CCSER1: variants seen among roughly 807,000 people sequenced by gnomAD.
The protein encoded by CCSER1 is coiled-coil serine rich protein 1.
A neutral mutation model predicts 82.0 loss-of-function variants in CCSER1; 41 were observed. That is an observed-to-expected ratio of 0.50 (90% CI 0.39 to 0.65). CCSER1 has a LOEUF of 0.65. CCSER1 is among the 30% of genes least tolerant of loss of function. CCSER1 has a pLI of 0.00. For synonymous variants in CCSER1, 414 were observed against 383.9 expected (o/e 1.08, Z -0.92); for missense variants, 1,119 against 1,064.2 (o/e 1.05, Z -0.72).
intron 4 of CCSER1, among the ~76,000 whole-genome samples, chr4:90,443,784 A>G (rs1323386729): frequency 6.6e-6 from 1 of 152,080 alleles, no homozygotes; most frequent in Non-Finnish European, 1.5e-5. Context: ...AACCAAATAT[A>G]CTAGATGCTG....
intron 10 of CCSER1, among the ~76,000 whole-genome samples, chr4:91,530,303 T>C (rs1454589616): frequency 6.6e-6 from 1 of 152,102 alleles, no homozygotes; most frequent in Non-Finnish European, 1.5e-5. Flanking sequence ...TACATTTATA[T>C]AGTATATGAA....
intron 1 of CCSER1, among the ~76,000 whole-genome samples, chr4:90,139,563 A>G (rs1560674055): frequency 6.6e-6 from 1 of 152,146 alleles, no homozygotes; most frequent in Non-Finnish European, 1.5e-5. Context: ...TATGAAGTAG[A>G]AAAAGAAAAG....
At chr4:90,818,257 A>G (rs1442288413) in intron 8 of CCSER1, among the ~76,000 whole-genome samples, 2 of 151,178 alleles carry the variant, frequency 1.3e-5, no homozygotes, top group African/African-American at 4.9e-5. Context: ...AAAAAAAGAA[A>G]TGTTTTTCTT....
intron 9 of CCSER1, among the ~76,000 whole-genome samples, chr4:90,939,210 C>T (rs1016436202): frequency 1.3e-5 from 2 of 151,928 alleles, no homozygotes; most frequent in Admixed American, 6.6e-5. Flanking sequence ...TTTTTTCCCT[C>T]GCATCAAGAC....
intron 5 of CCSER1, among the ~76,000 whole-genome samples, chr4:90,490,138 A>G (rs1341997540): frequency 6.6e-6 from 1 of 152,180 alleles, no homozygotes; most frequent in East Asian, 1.9e-4. Flanking sequence ...AGTCCCACCA[A>G]CAGTGTCAAA....
chr4:91,582,869 G>A (rs1376943081), intron 10 of CCSER1, among the ~76,000 whole-genome samples: 1 of 151,246 alleles, frequency 6.6e-6, no homozygotes, highest in Non-Finnish European at 1.5e-5. Flanking sequence ...CAAAACTATT[G>A]AGTCACTTCT....
chr4:91,132,561 A>T (rs1042474230), intron 10 of CCSER1, among the ~76,000 whole-genome samples: 2 of 152,170 alleles, frequency 1.3e-5, no homozygotes, highest in Non-Finnish European at 2.9e-5. Flanking sequence ...TTATTTTCCA[A>T]GCTCTCTGCT....
At chr4:90,553,088 A>G (rs1229656299) in intron 5 of CCSER1, among the ~76,000 whole-genome samples, 1 of 151,770 alleles carries the variant, frequency 6.6e-6, no homozygotes, top group East Asian at 1.9e-4. Flanking sequence ...ATCCTACCTC[A>G]GGCTGCCAGT....
At chr4:91,092,162 C>T (rs1256169591) in intron 10 of CCSER1, among the ~76,000 whole-genome samples, 1 of 152,138 alleles carries the variant, frequency 6.6e-6, no homozygotes, top group Non-Finnish European at 1.5e-5. Context: ...TCATTTGCTC[C>T]ACCTTTCCGG....
intron 7 of CCSER1, among the ~76,000 whole-genome samples, chr4:90,811,431 A>G (rs1758271081): frequency 6.6e-6 from 1 of 152,208 alleles, no homozygotes; most frequent in Admixed American, 6.5e-5. Flanking sequence ...AGGAAGTGAC[A>G]AAATTAATTC....
chr4:90,696,117 T>C (rs1736961674), intron 6 of CCSER1, among the ~76,000 whole-genome samples: 1 of 152,114 alleles, frequency 6.6e-6, no homozygotes, highest in South Asian at 2.1e-4. Flanking sequence ...TAAAGCTGGA[T>C]TAACATCATG....
intron 10 of CCSER1, among the ~76,000 whole-genome samples, chr4:91,183,586 G>A (rs180905012): frequency 3.9e-4 from 59 of 152,158 alleles, no homozygotes; most frequent in African/African-American, 1.3e-3. Context: ...TTAACAATCC[G>A]AGTTCTCCCA....
intron 5 of CCSER1, among the ~76,000 whole-genome samples, chr4:90,598,477 TATCTCTTA>T (rs1440225967): frequency 6.6e-6 from 1 of 152,166 alleles, no homozygotes; most frequent in Non-Finnish European, 1.5e-5. Flanking sequence ...CAATATTTGT[TATCTCTTA>T]CCTTTTTGAT....
intron 10 of CCSER1, among the ~76,000 whole-genome samples, chr4:91,271,603 A>T (rs755893203): frequency 3.3e-5 from 5 of 152,114 alleles, no homozygotes; most frequent in Admixed American, 1.3e-4. Flanking sequence ...AATGCCATTT[A>T]CTAATTCCCT....
intron 1 of CCSER1, among the ~76,000 whole-genome samples, chr4:90,150,510 G>A (rs17016581): frequency 8.6e-5 from 13 of 151,748 alleles, no homozygotes; most frequent in African/African-American, 2.4e-4. Flanking sequence ...TGTAGAAAAC[G>A]CACCTTTTGT....
chr4:90,557,822 C>T (rs1025372037), intron 5 of CCSER1, among the ~76,000 whole-genome samples: 2 of 152,042 alleles, frequency 1.3e-5, no homozygotes, highest in African/African-American at 4.8e-5. Context: ...TACATGTGGA[C>T]ATTTTAAACG....
chr4:90,436,572 A>C (rs1274325725), intron 4 of CCSER1, among the ~76,000 whole-genome samples: 1 of 152,194 alleles, frequency 6.6e-6, no homozygotes, highest in Non-Finnish European at 1.5e-5. Context: ...TTAAGTGAAG[A>C]AATTGAGACT....
chr4:91,349,029 C>T (rs1748269463), intron 10 of CCSER1, among the ~76,000 whole-genome samples: 1 of 152,134 alleles, frequency 6.6e-6, no homozygotes, highest in African/African-American at 2.4e-5. Flanking sequence ...CTGCCTCAGC[C>T]TCCCAAGTAG....
chr4:91,489,905 C>A (rs553935545), intron 10 of CCSER1, among the ~76,000 whole-genome samples: 1 of 152,242 alleles, frequency 6.6e-6, no homozygotes, highest in South Asian at 2.1e-4. Flanking sequence ...GCAAAAAACT[C>A]TTATAATCCA....
Sources: allele counts gnomAD v4.1 joint callset (sites outside exome capture counted in the v4.1 genomes callset), GRCh38; gene constraint gnomAD v4.1.1; transcripts MANE v1.5; gene names NCBI Gene and HGNC (gene_info 2026-07-23, HGNC 2026-07-21).